MALRD1: variants seen among roughly 807,000 people sequenced by gnomAD.
MALRD1 encodes the protein MAM and LDL receptor class A domain containing 1.
A neutral mutation model predicts 242.1 loss-of-function variants in MALRD1; 247 were observed. That is an observed-to-expected ratio of 1.02 (90% confidence interval 0.92 to 1.13). MALRD1 has a LOEUF of 1.13. MALRD1 is among the 50% of genes most tolerant of loss of function. MALRD1 has a pLI of 0.00. For synonymous variants in MALRD1, 995 were observed against 866.6 expected, an observed-to-expected ratio of 1.15 and a Z score of -2.60; for missense variants, 2,989 against 2,533.1, an observed-to-expected ratio of 1.18 and a Z score of -3.86.
At chr10:19,401,443 A>G (rs563304713) in intron 28 of MALRD1, among the ~76,000 whole-genome samples, 1 of 152,332 alleles carries the variant, frequency 6.6e-6, no homozygotes, top group South Asian at 2.1e-4. Context: ...ATAGGAAGTA[A>G]TCGAATTGAA....
At chr10:19,285,431 A>G (rs1038562134) in intron 21 of MALRD1, among the ~76,000 whole-genome samples, 2 of 150,734 alleles carry the variant, frequency 1.3e-5, no homozygotes, top group African/African-American at 2.5e-5. Context: ...ATTTTTGTAT[A>G]AGGTATAAGG....
intron 29 of MALRD1, among the ~76,000 whole-genome samples, chr10:19,461,382 T>A (rs1310213579): frequency 6.6e-6 from 1 of 152,186 alleles, no homozygotes; most frequent in Non-Finnish European, 1.5e-5. Flanking sequence ...TACTTTTTGG[T>A]CTTTTAGTCT....
chr10:19,398,207 A>G (rs1455994551), intron 28 of MALRD1, among the ~76,000 whole-genome samples: 1 of 151,924 alleles, frequency 6.6e-6, no homozygotes, highest in African/African-American at 2.4e-5. Flanking sequence ...TTGTCTGTGA[A>G]TTTGAGGTCT....
chr10:19,400,324 C>T (rs1321997213), intron 28 of MALRD1, among the ~76,000 whole-genome samples: 1 of 152,144 alleles, frequency 6.6e-6, no homozygotes, highest in Non-Finnish European at 1.5e-5. Flanking sequence ...GCACTGGAAC[C>T]TCTCTGAGGT....
intron 29 of MALRD1, among the ~76,000 whole-genome samples, chr10:19,463,597 C>T (rs1279577244): frequency 2.5e-5 from 3 of 120,250 alleles, no homozygotes; most frequent in African/African-American, 1.0e-4. Context: ...TGTGTATATA[C>T]TCTTTCTTTA....
At chr10:19,283,315 T>A (rs1289329506) in intron 21 of MALRD1, 134 bp downstream of exon 21, 3 of 740,266 alleles carry the variant, frequency 4.1e-6, no homozygotes, top group Admixed American at 8.5e-5. Context: ...GGAGGCTGTT[T>A]TCTTTCATAC....
chr10:19,267,742 C>G (rs999381549), intron 19 of MALRD1, among the ~76,000 whole-genome samples: 5 of 151,878 alleles, frequency 3.3e-5, no homozygotes, highest in Admixed American at 2.6e-4. Context: ...TTGTATTTTT[C>G]TAAAGGAGGT....
chr10:19,685,409 G>A (rs996242919), intron 36 of MALRD1, among the ~76,000 whole-genome samples: 2 of 152,126 alleles, frequency 1.3e-5, no homozygotes, highest in African/African-American at 4.8e-5. Context: ...AATATTTTAT[G>A]AACACAGGAT....
Position 19,215,673 on chromosome 10 carries a change from T to C in MALRD1, c.2991+5993T>C, listed in dbSNP as rs536895975. Among the ~76,000 whole-genome samples, 3 of 152,196 alleles carry C rather than the reference T, an allele frequency of 2.0e-5. No individual in the cohort carries two copies. In the East Asian group the frequency reaches 5.8e-4, roughly 29 times the overall value. On this transcript the variant is annotated intron_variant, in intron 18 of 39. Coordinates refer to ENST00000454679, the MANE Select transcript of MALRD1 (RefSeq NM_001142308.3). The stretch of plus-strand genomic sequence containing the variant: ...GGGCTCTTTTCAAACTAATGTCTAC[T>C]CCTTCTTACTGTCTCAAACTAGATC...
chr10:19,549,824 CA>C (rs1291281996), intron 32 of MALRD1, among the ~76,000 whole-genome samples: 2 of 152,186 alleles, frequency 1.3e-5, no homozygotes, highest in African/African-American at 4.8e-5. Flanking sequence ...TGGCCTAAAA[CA>C]TTCAATTAAT....
intron 7 of MALRD1, among the ~76,000 whole-genome samples, chr10:19,126,145 G>A (rs186858298): frequency 1.2e-3 from 187 of 151,810 alleles, no homozygotes; most frequent in African/African-American, 4.3e-3. Flanking sequence ...TGCATGTAAT[G>A]GTTTTTAGTT....
At chr10:19,257,957 A>T (rs1161887012) in intron 19 of MALRD1, among the ~76,000 whole-genome samples, 186 bp downstream of exon 19, 2 of 152,154 alleles carry the variant, frequency 1.3e-5, no homozygotes, top group African/African-American at 4.8e-5. Context: ...TCAAGTGTCA[A>T]ACATAGTCAA....
At chr10:19,191,232 AT>A (rs1222238105) in intron 14 of MALRD1, among the ~76,000 whole-genome samples, 3 of 152,214 alleles carry the variant, frequency 2.0e-5, no homozygotes, top group Non-Finnish European at 4.4e-5. Flanking sequence ...CATCACCAAC[AT>A]TAGGGAAATG....
intron 2 of MALRD1, among the ~76,000 whole-genome samples, chr10:19,079,111 G>T (rs1835405386): frequency 6.6e-6 from 1 of 150,576 alleles, no homozygotes; most frequent in African/African-American, 2.4e-5. Context: ...TTAAATTTAG[G>T]CATTTACAGC....
At chr10:19,616,178 C>T (rs72782156) in intron 36 of MALRD1, among the ~76,000 whole-genome samples, 1,917 of 151,770 alleles carry the variant, frequency 0.013, 16 homozygotes, top group South Asian at 0.026. Flanking sequence ...TTTAATAATA[C>T]TCACTATTCC....
At chr10:19,313,428 C>T (rs1346926168) in intron 21 of MALRD1, among the ~76,000 whole-genome samples, 2 of 151,090 alleles carry the variant, frequency 1.3e-5, no homozygotes, top group African/African-American at 2.4e-5. Flanking sequence ...GTTTTTTGGC[C>T]TAAAATCTAA....
At chr10:19,191,112 A>G (rs1835956401) in intron 14 of MALRD1, among the ~76,000 whole-genome samples, 1 of 152,194 alleles carries the variant, frequency 6.6e-6, no homozygotes, top group African/African-American at 2.4e-5. Context: ...TCAATAATAA[A>G]CCAACAGCTC....
At chr10:19,287,318 T>A (rs2131904595) in intron 21 of MALRD1, among the ~76,000 whole-genome samples, 1 of 151,486 alleles carries the variant, frequency 6.6e-6, no homozygotes, top group African/African-American at 2.4e-5. Flanking sequence ...GATTCAAAAA[T>A]TTTGGCTTCC....
intron 21 of MALRD1, among the ~76,000 whole-genome samples, chr10:19,316,670 G>A (rs1349044767): frequency 1.3e-5 from 2 of 151,680 alleles, no homozygotes; most frequent in East Asian, 3.9e-4. Flanking sequence ...GTGATGCTGT[G>A]GAAACTATGA....
Sources: allele counts gnomAD v4.1 joint callset (sites outside exome capture counted in the v4.1 genomes callset), GRCh38; gene constraint gnomAD v4.1.1; transcripts MANE v1.5; gene names NCBI Gene and HGNC (gene_info 2026-07-23, HGNC 2026-07-21).